The following FRMD3 variants were observed in gnomAD, a reference collection of about 807,000 sequenced individuals.
FRMD3 encodes FERM domain-containing protein 3.
Under a neutral mutation model 70.2 loss-of-function variants are expected in FRMD3, and 33 were observed. That is an observed-to-expected ratio of 0.47 (90% confidence interval 0.36 to 0.63). The LOEUF (loss-of-function observed/expected upper bound fraction) is 0.63. Ranked by LOEUF, FRMD3 falls within the 20% of genes least tolerant of loss-of-function variation. The pLI is 0.00. For synonymous variants in FRMD3, 279 were observed against 255.9 expected (o/e 1.09, Z -0.86); for missense variants, 632 against 711.4 (o/e 0.89, Z 1.27).
chr9:83,481,166 A>G (rs1828559900), intron 1 of FRMD3, among the ~76,000 whole-genome samples: 1 of 152,188 alleles, frequency 6.6e-6, no homozygotes, highest in Non-Finnish European at 1.5e-5. Flanking sequence ...ATATAGTTAG[A>G]TGTCACTTTA....
chr9:83,262,883 C>A lies in FRMD3; in HGVS notation c.1196-14367G>T, dbSNP rs1460982337. On this transcript the variant is annotated intron_variant, in intron 13 of 13. Transcript: ENST00000304195. Reference sequence around the variant, plus strand: ...ATGGTTGACTCCTTATGGCCCATTTCTCTCCAAATGATTAGTCTAAGCCAG... The same window carrying A: ...ATGGTTGACTCCTTATGGCCCATTTATCTCCAAATGATTAGTCTAAGCCAG... Among the ~76,000 whole-genome samples the A allele has an allele frequency of 5.3e-5, 8 of 152,294 alleles. No homozygotes were observed. In the East Asian group the frequency reaches 1.4e-3, roughly 26 times the overall value.
intron 1 of FRMD3, among the ~76,000 whole-genome samples, chr9:83,391,835 T>C (rs1470801164): frequency 6.6e-6 from 1 of 152,104 alleles, no homozygotes; most frequent in Non-Finnish European, 1.5e-5. Context: ...AGGTCTTTGC[T>C]ACTGAAGGTA....
chr9:83,575,442 C>A, the FRMD3 span, among the ~76,000 whole-genome samples: 1 of 152,106 alleles, frequency 6.6e-6, no homozygotes, highest in South Asian at 2.1e-4. Flanking sequence ...GCCCATGTGA[C>A]TGGAGGAAAA....
chr9:83,397,822 A>G (rs1825848312), intron 1 of FRMD3, among the ~76,000 whole-genome samples: 1 of 152,188 alleles, frequency 6.6e-6, no homozygotes, highest in African/African-American at 2.4e-5. Context: ...GAAGAATCCA[A>G]TCATCTGAAT....
chr9:83,444,777 C>G (rs1827406903), intron 1 of FRMD3, among the ~76,000 whole-genome samples: 1 of 152,176 alleles, frequency 6.6e-6, no homozygotes, highest in Non-Finnish European at 1.5e-5. Flanking sequence ...TTTTCTTGTG[C>G]AGCCCCAAGT....
intron 3 of FRMD3, among the ~76,000 whole-genome samples, chr9:83,357,224 T>TA (rs1491120200): frequency 1.2e-3 from 34 of 27,962 alleles, no homozygotes; most frequent in East Asian, 3.3e-3. Flanking sequence ...AATATATATA[T>TA]TTTATATATA....
chr9:83,356,989 C>T (rs905016292), intron 3 of FRMD3, among the ~76,000 whole-genome samples: 21 of 151,148 alleles, frequency 1.4e-4, no homozygotes, highest in African/African-American at 4.9e-4. Context: ...TGATAACATG[C>T]GATGTTTGGT....
chr9:83,438,828 G>A (rs561076138), intron 1 of FRMD3, among the ~76,000 whole-genome samples: 6 of 152,318 alleles, frequency 3.9e-5, no homozygotes, highest in South Asian at 2.1e-4. Context: ...TGTTCTGTGC[G>A]TCCTACAGCT....
intron 1 of FRMD3, among the ~76,000 whole-genome samples, chr9:83,393,761 C>A (rs78785315): frequency 2.6e-5 from 4 of 151,886 alleles, no homozygotes; most frequent in Admixed American, 1.3e-4. Flanking sequence ...GGTAGTACTG[C>A]GAGGGATGGG....
At chr9:83,323,429 CA>C (rs1413696332) in intron 6 of FRMD3, among the ~76,000 whole-genome samples, 2 of 152,176 alleles carry the variant, frequency 1.3e-5, no homozygotes, top group Non-Finnish European at 2.9e-5. Context: ...TTGTCCCCTC[CA>C]AAACTCATGT....
the FRMD3 span, among the ~76,000 whole-genome samples, chr9:83,571,403 A>C: frequency 6.6e-6 from 1 of 152,226 alleles, no homozygotes; most frequent in African/African-American, 2.4e-5. Flanking sequence ...TAGCAACACA[A>C]AACAGACTAA....
the FRMD3 span, among the ~76,000 whole-genome samples, chr9:83,574,171 C>T: frequency 6.6e-6 from 1 of 152,210 alleles, no homozygotes; most frequent in African/African-American, 2.4e-5. Context: ...AGAACCACTG[C>T]TCTCCATTCA....
intron 2 of FRMD3, among the ~76,000 whole-genome samples, chr9:83,383,222 C>T (rs1825410908): frequency 6.6e-6 from 1 of 152,262 alleles, no homozygotes; most frequent in Non-Finnish European, 1.5e-5. Context: ...ATCCAGTCAA[C>T]ACCATGTGGG....
chr9:83,512,479 G>C (rs1356956327), intron 1 of FRMD3, among the ~76,000 whole-genome samples: 1 of 152,180 alleles, frequency 6.6e-6, no homozygotes, highest in African/African-American at 2.4e-5. Context: ...TGTGTGTCTT[G>C]GGGCATTAAA....
chr9:83,538,399 G>T lies in FRMD3; in HGVS notation c.-168C>A. The T allele has an allele frequency of 2.1e-6, 1 of 476,084 alleles. No individual in the cohort carries two copies. The highest frequency in any genetic ancestry group is 3.3e-6 in the Non-Finnish European group (1 of 301,328). 29.5% of individuals were successfully genotyped at this position (476,084 alleles called of 1,614,324 possible). A position where few individuals can be genotyped will look rare whatever the true frequency, so the allele number is the denominator to read the frequency against. ...CACACATGCCCAGCGGCCGGGGCGCGGCGGGCGGGTCCCTCCCTCTGTTCG... is the reference window on the plus strand; with the variant it reads ...CACACATGCCCAGCGGCCGGGGCGCTGCGGGCGGGTCCCTCCCTCTGTTCG... On this transcript the variant is annotated 5_prime_UTR_variant, in exon 1 of 14. Coordinates refer to ENST00000304195, the MANE Select transcript of FRMD3 (RefSeq NM_174938.6). This position sits in a 1 kb window ranked among gnomAD's most constrained non-coding sequence, Gnocchi z 4.7.
intron 13 of FRMD3, among the ~76,000 whole-genome samples, chr9:83,276,744 T>C (rs1438184971): frequency 6.6e-6 from 1 of 152,258 alleles, no homozygotes. Context: ...AGTTTCACTC[T>C]TGTTGCCCAG....
intron 2 of FRMD3, among the ~76,000 whole-genome samples, chr9:83,383,114 C>T (rs1309371644): frequency 6.6e-6 from 1 of 152,182 alleles, no homozygotes; most frequent in East Asian, 1.9e-4. Flanking sequence ...CCCCTGAGCC[C>T]TACCTTCCAG....
chr9:83,362,723 T>A (rs1048873152), intron 3 of FRMD3, among the ~76,000 whole-genome samples: 1 of 151,616 alleles, frequency 6.6e-6, no homozygotes, highest in Non-Finnish European at 1.5e-5. Flanking sequence ...TTAATGCATA[T>A]GCATCCTGCT....
intron 1 of FRMD3, among the ~76,000 whole-genome samples, chr9:83,490,445 C>A (rs747733900): frequency 3.3e-5 from 5 of 151,992 alleles, no homozygotes; most frequent in African/African-American, 9.7e-5. Context: ...CCCACCACCA[C>A]ACCTGGCAAA....
Sources: allele counts gnomAD v4.1 joint callset (sites outside exome capture counted in the v4.1 genomes callset), GRCh38; gene constraint gnomAD v4.1.1; non-coding constraint Gnocchi (gnomAD v3.1); transcripts MANE v1.5; gene names NCBI Gene and HGNC (gene_info 2026-07-23, HGNC 2026-07-21).